Variants in SGCZ observed in about 807,000 individuals in gnomAD.
The protein encoded by SGCZ is sarcoglycan zeta, also known as zeta-sarcoglycan.
In SGCZ, 40 loss-of-function variants were observed where a neutral mutation model predicts 41.3. The ratio of observed to expected loss-of-function variants is 0.97; its 90% CI spans 0.75 to 1.26. The LOEUF (loss-of-function observed/expected upper bound fraction) is 1.26. SGCZ is among the 50% of genes most tolerant of loss of function. SGCZ has a pLI of 0.00. For synonymous variants in SGCZ, 206 were observed against 137.5 expected (o/e 1.50, Z -3.49); for missense variants, 552 against 369.8 (o/e 1.49, Z -4.04).
At chr8:14,493,517 A>C (rs574640675) in intron 2 of SGCZ, among the ~76,000 whole-genome samples, 37 of 150,848 alleles carry the variant, frequency 2.5e-4, no homozygotes, top group Non-Finnish European at 4.6e-4. Flanking sequence ...ACAGGTGTGC[A>C]CTACCACACC....
intron 2 of SGCZ, among the ~76,000 whole-genome samples, chr8:14,477,440 T>C (rs972774866): frequency 1.3e-5 from 2 of 152,178 alleles, no homozygotes; most frequent in Non-Finnish European, 2.9e-5. Context: ...TTTTACATAC[T>C]AGTGATTTTT....
At chr8:14,551,130 T>G (rs1803795950) in intron 2 of SGCZ, among the ~76,000 whole-genome samples, 1 of 149,950 alleles carries the variant, frequency 6.7e-6, no homozygotes, top group South Asian at 2.1e-4. Context: ...TTTTTTTTTT[T>G]GCTGGCTAGT....
chr8:14,395,705 C>T (rs1437009956), intron 2 of SGCZ, among the ~76,000 whole-genome samples: 1 of 152,142 alleles, frequency 6.6e-6, no homozygotes, highest in Admixed American at 6.5e-5. Context: ...CCTCACATAA[C>T]CTAGGTGGGC....
intron 1 of SGCZ, among the ~76,000 whole-genome samples, chr8:14,675,849 T>C (rs972261474): frequency 6.6e-6 from 1 of 152,190 alleles, no homozygotes; most frequent in Admixed American, 6.5e-5. Context: ...CTGTGCAGAT[T>C]TGGGGGACCC....
At chr8:14,538,685 T>C (rs1803369069) in intron 2 of SGCZ, among the ~76,000 whole-genome samples, 1 of 151,940 alleles carries the variant, frequency 6.6e-6, no homozygotes, top group African/African-American at 2.4e-5. Flanking sequence ...CAGCTGTTCA[T>C]TACTGGAGCA....
chr8:14,426,122 G>A (rs912159931), intron 2 of SGCZ, among the ~76,000 whole-genome samples: 1 of 151,972 alleles, frequency 6.6e-6, no homozygotes, highest in Admixed American at 6.6e-5. Flanking sequence ...GTCTATTCCA[G>A]GTACCATTCT....
intron 1 of SGCZ, among the ~76,000 whole-genome samples, chr8:14,739,024 G>T (rs905508061): frequency 6.6e-6 from 1 of 152,026 alleles, no homozygotes; most frequent in Non-Finnish European, 1.5e-5. Context: ...GCTTTTAATT[G>T]TGTTAGTTGT....
intron 1 of SGCZ, among the ~76,000 whole-genome samples, chr8:15,061,515 A>C (rs1038897608): frequency 6.8e-6 from 1 of 147,594 alleles, no homozygotes; most frequent in Non-Finnish European, 1.5e-5. Context: ...CATGTATCCC[A>C]GAACTTACAG....
intron 1 of SGCZ, among the ~76,000 whole-genome samples, chr8:15,221,425 C>T (rs1409430300): frequency 1.3e-5 from 2 of 152,128 alleles, no homozygotes; most frequent in Admixed American, 6.5e-5. Flanking sequence ...CCTCATTCTT[C>T]TTCAGCAGCA....
intron 3 of SGCZ, among the ~76,000 whole-genome samples, chr8:14,270,315 G>C (rs886352502): frequency 1.3e-5 from 2 of 151,942 alleles, no homozygotes; most frequent in East Asian, 1.9e-4. Flanking sequence ...CTGGGTAACA[G>C]AGTAAAACTC....
chr8:14,382,970 T>C (rs1804425424), intron 2 of SGCZ, among the ~76,000 whole-genome samples: 1 of 152,160 alleles, frequency 6.6e-6, no homozygotes, highest in Admixed American at 6.5e-5. Flanking sequence ...AAAAAGCTGC[T>C]CTGTCCCCTG....
Position 14,693,639 on chromosome 8 carries a change from G to A in SGCZ, c.40-138713C>T, listed in dbSNP as rs1808871414. ...GGAGTCTCGCTCTGTCGCCCAGGCTGGAGTGCAGTGGCGCGATCTCAGCTC... is the reference window on the plus strand; with the variant it reads ...GGAGTCTCGCTCTGTCGCCCAGGCTAGAGTGCAGTGGCGCGATCTCAGCTC... On this transcript the variant is annotated intron_variant, in intron 1 of 7. Coordinates refer to ENST00000382080, the MANE Select transcript of SGCZ (RefSeq NM_139167.4). Among the ~76,000 whole-genome samples the A allele has an allele frequency of 2.2e-5, 3 of 136,440 alleles. No homozygotes were observed. The South Asian group carries it at 7.1e-4, about 32-fold the overall frequency. The allele number at this position is 136,440 out of a possible 152,430, so 89.5% of individuals were successfully genotyped here.
intron 1 of SGCZ, among the ~76,000 whole-genome samples, chr8:15,199,691 C>A (rs1192148942): frequency 6.6e-6 from 1 of 152,032 alleles, no homozygotes; most frequent in Non-Finnish European, 1.5e-5. Context: ...TCAATAATAT[C>A]AAAGTAGAAA....
At chr8:14,781,047 T>A (rs182594388) in intron 1 of SGCZ, among the ~76,000 whole-genome samples, 1 of 152,188 alleles carries the variant, frequency 6.6e-6, no homozygotes, top group African/African-American at 2.4e-5. Flanking sequence ...AAATATTTAG[T>A]ATGGAATTAA....
At chr8:14,108,065 G>T in intron 6 of SGCZ, 98 bp downstream of exon 6, 1 of 855,292 alleles carries the variant, frequency 1.2e-6, no homozygotes, top group Non-Finnish European at 1.7e-6. Flanking sequence ...AGTATATTGG[G>T]AGAAACATTT....
In SGCZ at chr8:14,385,811, C is replaced by T. The variant is rs181776295; in HGVS notation, c.235-61607G>A. Among the ~76,000 whole-genome samples the T allele has an allele frequency of 6.4e-4, 98 of 152,234 alleles. 2 individuals carry two copies. Among genetic ancestry groups the T allele is most frequent in the African/African-American group, 2.1e-3 (88 of 41,556 alleles). On this transcript the variant is annotated intron_variant, in intron 2 of 7. Coordinates refer to ENST00000382080, the MANE Select transcript of SGCZ (RefSeq NM_139167.4). ...TGCATGTTTAATAACAAATCGAATACACTCACTCCTTAGTATCTGACAGGG... is the reference window on the plus strand; with the variant it reads ...TGCATGTTTAATAACAAATCGAATATACTCACTCCTTAGTATCTGACAGGG...
In SGCZ at chr8:15,000,152, C is replaced by T. The variant is rs115431503; in HGVS notation, c.39+237433G>A. Among the ~76,000 whole-genome samples the T allele has an allele frequency of 6.5e-3, 983 of 152,174 alleles. 7 individuals carry two copies. Among genetic ancestry groups the T allele is most frequent in the African/African-American group, 0.022 (918 of 41,492 alleles). On this transcript the variant is annotated intron_variant, in intron 1 of 7. Coordinates refer to ENST00000382080, the MANE Select transcript of SGCZ (RefSeq NM_139167.4). ...ACAAAGAAAAAATCATATGATGGGA[C>T]GGCAGGAGGGCAGCCGTCTCCAAGT... is the stretch of plus-strand genomic sequence containing the variant.
At chr8:15,054,124 A>G (rs992714157) in intron 1 of SGCZ, among the ~76,000 whole-genome samples, 14 of 152,362 alleles carry the variant, frequency 9.2e-5, no homozygotes, top group African/African-American at 3.4e-4. Flanking sequence ...TTCTCCAGAT[A>G]TTGATAAGAA....
At chr8:14,215,488 A>G (rs956114148) in intron 4 of SGCZ, among the ~76,000 whole-genome samples, 10 of 144,110 alleles carry the variant, frequency 6.9e-5, no homozygotes, top group Non-Finnish European at 1.3e-4. Context: ...GAATCCCCCA[A>G]AAGGCAGAAA....
Sources: allele counts gnomAD v4.1 joint callset (sites outside exome capture counted in the v4.1 genomes callset), GRCh38; gene constraint gnomAD v4.1.1; transcripts MANE v1.5; gene names NCBI Gene and HGNC (gene_info 2026-07-23, HGNC 2026-07-21).